Variants in ZDHHC8 observed in about 807,000 individuals in gnomAD.
The protein encoded by ZDHHC8 is palmitoyltransferase ZDHHC8.
A neutral mutation model predicts 61.2 loss-of-function variants in ZDHHC8; 24 were observed. That is an observed-to-expected ratio of 0.39 (90% CI 0.28 to 0.55). The LOEUF (loss-of-function observed/expected upper bound fraction) is 0.55. Among genes scored for constraint, ZDHHC8 ranks in the 20% least tolerant of loss-of-function variants. ZDHHC8 has a pLI of 0.60. For missense variants in ZDHHC8, 935 were observed against 1,102.1 expected, an observed-to-expected ratio of 0.85 and a Z score of 2.15; for synonymous variants, 523 against 492.5, an observed-to-expected ratio of 1.06 and a Z score of -0.82.
At position 20,142,959 on chromosome 22, in the gene ZDHHC8, G is replaced by A. The variant is rs2050484453; in HGVS notation, c.1329G>A (p.Gly443=). 2.5e-6 allele frequency: 4 copies of A among 1,601,528 alleles called. No homozygotes were observed. The East Asian group carries it at 9.0e-5, about 36-fold the overall frequency. ...LSLKASSRRG[G]DHVALQPLRS... is the part of the protein sequence containing the mutation. Reference sequence around the variant, plus strand: ...TCAAGGCCTCGAGCCGGCGGGGCGGGGATCATGTGGCCCTGCAGCCCCTGC... The same window carrying A: ...TCAAGGCCTCGAGCCGGCGGGGCGGAGATCATGTGGCCCTGCAGCCCCTGC... Residue 443 remains glycine, a synonymous_variant, in exon 10 of 11, where the codon GGG becomes GGA. Transcript: ENST00000334554.
At chr22:20,144,130 C>T (rs2050501134) in intron 10 of ZDHHC8, among the ~76,000 whole-genome samples, 1 of 152,170 alleles carries the variant, frequency 6.6e-6, no homozygotes, top group East Asian at 1.9e-4. Context: ...GTCACAGTGG[C>T]CCTGTCCACC....
intron 5 of ZDHHC8, 39 bp from the exon 6 acceptor site, chr22:20,140,578 C>T (rs752901063): frequency 1.3e-6 from 2 of 1,553,148 alleles, no homozygotes; most frequent in East Asian, 2.3e-5. Flanking sequence ...TGGCCTGGAC[C>T]TTGGGAGGCC....
intron 10 of ZDHHC8, among the ~76,000 whole-genome samples, chr22:20,144,526 C>G (rs564545088): frequency 6.6e-6 from 1 of 152,238 alleles, no homozygotes; most frequent in Admixed American, 6.5e-5. Flanking sequence ...GATGCAGCCC[C>G]AGAGGGAGAG....
At chr22:20,136,256 A>G (rs1443365521) in intron 1 of ZDHHC8, among the ~76,000 whole-genome samples, 2 of 152,028 alleles carry the variant, frequency 1.3e-5, no homozygotes, top group Admixed American at 1.3e-4. Context: ...GGTGTGCACC[A>G]TCAGGTCTGG....
In ZDHHC8 at chr22:20,142,890, C is replaced by G; in HGVS notation, c.1260C>G (p.Leu420=). ...CAGCCTACCCGCCATCCCCACCGCTCAGCGCCTCTGATGCCTTCTCGGGCG... is the reference window on the plus strand; with the variant it reads ...CAGCCTACCCGCCATCCCCACCGCTGAGCGCCTCTGATGCCTTCTCGGGCG... ...LHAAYPPSPP[L]SASDAFSGAL... is the part of the protein sequence containing the mutation. Residue 420 remains leucine (L), a synonymous_variant, in exon 10 of 11, where the codon CTC becomes CTG. Transcript: ENST00000334554. 1 of 1,611,806 alleles carries G rather than the reference C, an allele frequency of 6.2e-7. No individual in the cohort carries two copies. The highest frequency in any genetic ancestry group is 1.1e-5 in the South Asian group (1 of 90,980).
At chr22:20,135,121 G>GTT (rs76904323) in intron 1 of ZDHHC8, among the ~76,000 whole-genome samples, 4 of 150,434 alleles carry the variant, frequency 2.7e-5, no homozygotes, top group Admixed American at 6.6e-5. Context: ...TTGTTTTTTT[G>GTT]TTTTTTTTTA....
intron 10 of ZDHHC8, 55 bp from the exon 11 acceptor site, chr22:20,145,174 C>T (rs1412742104): frequency 9.5e-6 from 13 of 1,362,946 alleles, no homozygotes; most frequent in Middle Eastern, 5.7e-4. Context: ...CGTCCTCTGT[C>T]CCCGTGTTCG....
chr22:20,141,060 G>A, intron 7 of ZDHHC8, 48 bp downstream of exon 7: 1 of 1,605,702 alleles, frequency 6.2e-7, no homozygotes, highest in South Asian at 1.1e-5. Context: ...CCCTTGGATG[G>A]GGAAACAGGC....
intron 9 of ZDHHC8, among the ~76,000 whole-genome samples, chr22:20,142,381 T>C (rs1036384843): frequency 3.3e-5 from 5 of 152,176 alleles, no homozygotes; most frequent in African/African-American, 1.2e-4. Flanking sequence ...CTGATCCACT[T>C]CTGGCTTTGT....
At position 20,147,988 on chromosome 22, in the gene ZDHHC8, A is replaced by G. The variant is rs1178232300; in HGVS notation, c.*2588A>G. ...ACCCCTGCTAATTAATTCCCCAAAT[A>G]AAATTTTTGGTGTTGATCAGCTCTG... On this transcript the variant is annotated 3_prime_UTR_variant, in exon 11 of 11. Transcript: ENST00000334554. 6.6e-6 allele frequency: 1 copy of G among 152,366 alleles called. No homozygotes were observed. Among genetic ancestry groups the G allele is most frequent in the Non-Finnish European group, 1.5e-5 (1 of 68,124 alleles). The allele number at this position is 152,366 out of a possible 1,614,324, so 9.4% of individuals were successfully genotyped here. A position where few individuals can be genotyped will look rare whatever the true frequency, so the allele number is the denominator to read the frequency against.
At chr22:20,137,763 G>A (rs1024451450) in intron 1 of ZDHHC8, among the ~76,000 whole-genome samples, 16 of 152,220 alleles carry the variant, frequency 1.1e-4, no homozygotes, top group Admixed American at 1.3e-4. Flanking sequence ...GCTGAATGGC[G>A]TTGCATTGGA....
intron 1 of ZDHHC8, among the ~76,000 whole-genome samples, chr22:20,133,644 A>G (rs2050396449): frequency 6.7e-6 from 1 of 148,938 alleles, no homozygotes. Flanking sequence ...CAGGAAAATC[A>G]CTTGAACCCG....
Position 20,147,151 on chromosome 22 carries a change from G to A in ZDHHC8, c.*1751G>A, listed in dbSNP as rs962235301. On this transcript the variant is annotated 3_prime_UTR_variant, in exon 11 of 11. Coordinates refer to ENST00000334554, the MANE Select transcript of ZDHHC8 (RefSeq NM_013373.4). ...ACTGCGGGCCCCCTGGAGCCAGGCC[G>A]CCGGGGCACCCCCACGCGGGGCCAT... 1.4e-5 allele frequency: 21 copies of A among 1,532,014 alleles called. No individual in the cohort carries two copies. In the African/African-American group the frequency reaches 1.8e-4, roughly 13 times the overall value. 94.9% of individuals were successfully genotyped at this position (1,532,014 alleles called of 1,614,324 possible).
At position 20,145,939 on chromosome 22, in the gene ZDHHC8, C is replaced by T; in HGVS notation, c.*539C>T. Reference sequence around the variant, plus strand: ...AGCTTGTAGCTTGGCAAGGCTGATGCTTCTGCCCTGGCCTGCTCTGGGTGG... The same window carrying T: ...AGCTTGTAGCTTGGCAAGGCTGATGTTTCTGCCCTGGCCTGCTCTGGGTGG... On this transcript the variant is annotated 3_prime_UTR_variant, in exon 11 of 11. Coordinates refer to ENST00000334554, the MANE Select transcript of ZDHHC8 (RefSeq NM_013373.4). 9.1e-6 allele frequency: 9 copies of T among 985,816 alleles called. No individual in the cohort carries two copies. Among genetic ancestry groups the T allele is most frequent in the Non-Finnish European group, 1.1e-5 (9 of 830,034 alleles). 61.1% of individuals were successfully genotyped at this position (985,816 alleles called of 1,614,324 possible).
chr22:20,132,527 C>T (rs922297272), intron 1 of ZDHHC8, among the ~76,000 whole-genome samples: 9 of 152,234 alleles, frequency 5.9e-5, no homozygotes, highest in Admixed American at 2.0e-4. Flanking sequence ...GTGGCCTGGC[C>T]TCGTTGCCAC....
In ZDHHC8 at chr22:20,146,292, G is replaced by T; in HGVS notation, c.*892G>T. The T allele has an allele frequency of 1.0e-6, 1 of 985,586 alleles. No individual in the cohort carries two copies. The highest frequency in any genetic ancestry group is 1.7e-5 in the African/African-American group (1 of 57,340). The allele number at this position is 985,586 out of a possible 1,614,324, so 61.1% of individuals were successfully genotyped here. On this transcript the variant is annotated 3_prime_UTR_variant, in exon 11 of 11. Coordinates refer to ENST00000334554, the MANE Select transcript of ZDHHC8 (RefSeq NM_013373.4). ...TCCGCAGCCCCGGCCTGGCTGCGGT[G>T]CTCGCGCCGTGGGAAAGCACACTGG...
intron 1 of ZDHHC8, among the ~76,000 whole-genome samples, chr22:20,138,458 G>A (rs1602569005): frequency 6.6e-6 from 1 of 152,228 alleles, no homozygotes; most frequent in African/African-American, 2.4e-5. Context: ...TGAGGAAGGC[G>A]CCTTTCAGGA....
chr22:20,132,816 AC>A (rs2050388739), intron 1 of ZDHHC8, among the ~76,000 whole-genome samples: 1 of 152,250 alleles, frequency 6.6e-6, no homozygotes, highest in African/African-American at 2.4e-5. Context: ...TGCGGACAGC[AC>A]AGCCTCCCTC....
chr22:20,132,121 G>A (rs980521925), intron 1 of ZDHHC8, 70 bp downstream of exon 1: 170 of 1,009,314 alleles, frequency 1.7e-4, no homozygotes, highest in Non-Finnish European at 2.0e-4. Flanking sequence ...GGGCACGGGG[G>A]CAGCGGTCGC....
Sources: gnomAD v4.1 joint callset for allele counts (sites outside exome capture counted in the v4.1 genomes callset) on GRCh38, gnomAD v4.1.1 for gene constraint, MANE v1.5 for transcripts, NCBI Gene and HGNC (gene_info 2026-07-23, HGNC 2026-07-21) for gene names.